ARGFX: variants seen among roughly 807,000 people sequenced by gnomAD.
ARGFX encodes the protein arginine-fifty homeobox.
A neutral mutation model predicts 8.0 loss-of-function variants in ARGFX; 10 were observed. The observed-to-expected ratio is 1.25, with a 90% CI of 0.77 to 2.12. The LOEUF is 2.12. ARGFX is among the 30% of genes most tolerant of loss of function. ARGFX has a pLI of 0.00. For missense variants in ARGFX, 282 were observed against 324.3 expected (o/e 0.87, Z 1.00); for synonymous variants, 116 against 117.8 (o/e 0.98, Z 0.10).
intron 2 of ARGFX, among the ~76,000 whole-genome samples, chr3:121,574,062 A>G (rs1165453331): frequency 6.6e-6 from 1 of 152,108 alleles, no homozygotes; most frequent in Non-Finnish European, 1.5e-5. Context: ...GTTTGCAGGA[A>G]TGTAAAATGG....
chr3:121,577,248 TATATA>T (rs2048746275), intron 3 of ARGFX, among the ~76,000 whole-genome samples: 2 of 54,064 alleles, frequency 3.7e-5, no homozygotes, highest in African/African-American at 7.2e-5. Context: ...TATATATATA[TATATA>T]TATATATTTT....
At chr3:121,575,744 T>G (rs59877871) in intron 2 of ARGFX, among the ~76,000 whole-genome samples, 1 of 151,744 alleles carries the variant, frequency 6.6e-6, no homozygotes, top group Admixed American at 6.6e-5. Context: ...TGAAACCCCA[T>G]CTCTAATAAA....
intron 3 of ARGFX, among the ~76,000 whole-genome samples, chr3:121,577,254 T>TCTACATGTAC (rs2048746854): frequency 3.6e-5 from 2 of 55,226 alleles, no homozygotes; most frequent in South Asian, 4.9e-4. Context: ...TATATATATA[T>TCTACATGTAC]ATATATTTTT....
At position 121,590,431 on chromosome 3, in the gene ARGFX, T is replaced by G. The variant is rs1292774248; in HGVS notation, c.*3831T>G. Among the ~76,000 whole-genome samples the G allele has an allele frequency of 6.6e-6, 1 of 152,104 alleles. No individual in the cohort carries two copies. The highest frequency in any genetic ancestry group is 6.6e-5 in the Admixed American group (1 of 15,258). ...TGATAAAAGGATGAGTTCGGCCTTC[T>G]TCTTCCCCAAAATCTTTATCCCCAC... On this transcript the variant is annotated 3_prime_UTR_variant, in exon 5 of 5. Transcript: ENST00000334384.
At chr3:121,576,102 A>G (rs928671894) in intron 2 of ARGFX, among the ~76,000 whole-genome samples, 1 of 151,740 alleles carries the variant, frequency 6.6e-6, no homozygotes, top group Non-Finnish European at 1.5e-5. Flanking sequence ...GTTTTGCCAA[A>G]TTTTCTCCTT....
At chr3:121,578,294 A>G (rs2048757114) in intron 3 of ARGFX, among the ~76,000 whole-genome samples, 1 of 151,446 alleles carries the variant, frequency 6.6e-6, no homozygotes, top group Non-Finnish European at 1.5e-5. Context: ...TACCTGGCTA[A>G]TTTTGTATTT....
chr3:121,577,272 T>C (rs1291929257), intron 3 of ARGFX, among the ~76,000 whole-genome samples: 1 of 140,212 alleles, frequency 7.1e-6, no homozygotes, highest in African/African-American at 2.6e-5. Context: ...TTTTTTTTTT[T>C]AAATGGAGTC....
chr3:121,582,846 G>A (rs1002508660), intron 3 of ARGFX, among the ~76,000 whole-genome samples: 4 of 151,458 alleles, frequency 2.6e-5, no homozygotes, highest in Admixed American at 2.6e-4. Context: ...TGGGACCACA[G>A]GCATGTGCTA....
At chr3:121,575,509 G>T (rs1003397413) in intron 2 of ARGFX, among the ~76,000 whole-genome samples, 2 of 152,080 alleles carry the variant, frequency 1.3e-5, no homozygotes, top group African/African-American at 2.4e-5. Flanking sequence ...TGGAGGGAGA[G>T]AGTGGGTGAG....
At chr3:121,579,987 C>T (rs555407210) in intron 3 of ARGFX, among the ~76,000 whole-genome samples, 4 of 96,698 alleles carry the variant, frequency 4.1e-5, no homozygotes, top group Non-Finnish European at 5.9e-5. Context: ...AGGTTTCACT[C>T]TGTTATCCAA....
Position 121,586,041 on chromosome 3 carries a change from G to T in ARGFX, c.389G>T (p.Arg130Leu), listed in dbSNP as rs752404821. 6.3e-7 allele frequency: 1 copy of T among 1,581,806 alleles called. No homozygotes were observed. The highest frequency in any genetic ancestry group is 2.2e-5 in the East Asian group (1 of 44,666). The stretch of plus-strand genomic sequence containing the variant: ...TCCCAGGTTTGGTTCAGGAACCGGC[G>T]ATTCAAATTGAAGAAGCAGCAGCAG... ...STVKVWFRNR[R>L]FKLKKQQQQQ... Residue 130 changes from arginine (R) to leucine (L), a missense_variant, in exon 5 of 5, where the codon CGA becomes CTA. Transcript: ENST00000334384.
At chr3:121,578,255 G>A (rs1468538109) in intron 3 of ARGFX, among the ~76,000 whole-genome samples, 2 of 151,842 alleles carry the variant, frequency 1.3e-5, no homozygotes, top group Non-Finnish European at 2.9e-5. Context: ...AGCCTCCAGA[G>A]TAGCTGGGAT....
At chr3:121,570,998 T>C (rs1576439844) in intron 2 of ARGFX, among the ~76,000 whole-genome samples, 182 bp downstream of exon 2, 1 of 152,372 alleles carries the variant, frequency 6.6e-6, no homozygotes, top group South Asian at 2.1e-4. Flanking sequence ...TGGCCCATGG[T>C]TGATTCAAAT....
In ARGFX at chr3:121,584,996, C is replaced by T. The variant is rs753582337; in HGVS notation, c.300C>T (p.Thr100=). ...AGCTAGAAGCTCTGTTTAGCCAGACCATGTTCCCAGATAGAAATCTTCAGG... is the reference window on the plus strand; with the variant it reads ...AGCTAGAAGCTCTGTTTAGCCAGACTATGTTCCCAGATAGAAATCTTCAGG... ...YEELEALFSQ[T]MFPDRNLQEK... is the part of the protein sequence containing the mutation. The change falls in exon 4 of 5, where the codon ACC becomes ACT. Residue 100 remains threonine (T), a synonymous_variant. Transcript: ENST00000334384. 58 of 1,613,864 alleles carry T rather than the reference C, an allele frequency of 3.6e-5. No homozygotes were observed. The South Asian group carries it at 6.0e-4, about 17-fold the overall frequency.
At chr3:121,578,850 T>TG (rs33997139) in intron 3 of ARGFX, among the ~76,000 whole-genome samples, 1 of 150,870 alleles carries the variant, frequency 6.6e-6, no homozygotes, top group Non-Finnish European at 1.5e-5. Flanking sequence ...TTTTTTTTTT[T>TG]GTATTTTTAG....
At chr3:121,579,940 C>CTTTTTTTTTTTTTTTTTTTTTTTTTTTT (rs1204013765) in intron 3 of ARGFX, among the ~76,000 whole-genome samples, 1 of 43,258 alleles carries the variant, frequency 2.3e-5, no homozygotes, top group African/African-American at 8.8e-5. Flanking sequence ...CTTTTCTTTT[C>CTTTTTTTTTTTTTTTTTTTTTTTTTTTT]TTTTCTTTTT....
In ARGFX at chr3:121,587,629, A is replaced by G. The variant is rs1483014640; in HGVS notation, c.*1029A>G. The stretch of plus-strand genomic sequence containing the variant: ...TCCACTTTTAATGACAGAAAGTTAT[A>G]AACTTACATTTTGTTTCCAATTTTT... On this transcript the variant is annotated 3_prime_UTR_variant, in exon 5 of 5. Coordinates refer to ENST00000334384, the MANE Select transcript of ARGFX (RefSeq NM_001012659.2). Among the ~76,000 whole-genome samples the G allele has an allele frequency of 6.6e-6, 1 of 152,150 alleles. No individual in the cohort carries two copies. Among genetic ancestry groups the G allele is most frequent in the Non-Finnish European group, 1.5e-5 (1 of 68,006 alleles).
intron 3 of ARGFX, among the ~76,000 whole-genome samples, chr3:121,577,485 C>A (rs1334473033): frequency 6.6e-6 from 1 of 150,824 alleles, no homozygotes. Flanking sequence ...AACTCGTGAC[C>A]TCAAGTGATC....
At position 121,579,257 on chromosome 3, in the gene ARGFX, T is replaced by A. The variant is rs750331377; in HGVS notation, c.220+2357T>A. Among the ~76,000 whole-genome samples, 13 of 152,204 alleles carry A rather than the reference T, an allele frequency of 8.5e-5. 1 individual carries two copies. The highest frequency in any genetic ancestry group is 5.2e-4 in the Admixed American group (8 of 15,278). On this transcript the variant is annotated intron_variant, in intron 3 of 4. Transcript: ENST00000334384. Reference sequence around the variant, plus strand: ...TATCACATTGCCCTAAAAAATAACTTAGGTCTGCATTTATAATTATTGAAG... The same window carrying A: ...TATCACATTGCCCTAAAAAATAACTAAGGTCTGCATTTATAATTATTGAAG...
Sources: allele counts gnomAD v4.1 joint callset (sites outside exome capture counted in the v4.1 genomes callset), GRCh38; gene constraint gnomAD v4.1.1; transcripts MANE v1.5; gene names NCBI Gene and HGNC (gene_info 2026-07-23, HGNC 2026-07-21).